OCA2: variants seen among roughly 807,000 people sequenced by gnomAD.
OCA2 encodes the protein OCA2 melanosomal transmembrane protein, also known as P protein.
A neutral mutation model predicts 100.2 loss-of-function variants in OCA2; 77 were observed. That is an observed-to-expected ratio of 0.77 (90% CI 0.64 to 0.93). The LOEUF (loss-of-function observed/expected upper bound fraction) is 0.93, where lower values mean the gene tolerates loss of function less well. OCA2 is among the 40% of genes least tolerant of loss of function. OCA2 has a pLI of 0.00. For synonymous variants in OCA2, 432 were observed against 439.2 expected (o/e 0.98, Z 0.21); for missense variants, 1,062 against 1,089.1 (o/e 0.98, Z 0.35).
rs1293427695 is a variant in OCA2 at position 27,761,473 on chromosome 15, A to G, written c.2433-6001T>C. 3.3e-5 allele frequency among the ~76,000 whole-genome samples: 5 copies of G among 151,718 alleles called. No homozygotes were observed. In the East Asian group the frequency reaches 7.8e-4, roughly 24 times the overall value. On this transcript the variant is annotated intron_variant, in intron 23 of 23. Transcript: ENST00000354638. ...CAAAATGGTGATTAAAAAAAAAAAA[A>G]CCCAAAGCAGTTCTAGATAAATGGA...
intron 23 of OCA2, among the ~76,000 whole-genome samples, chr15:27,783,925 C>A (rs1290903647): frequency 1.3e-5 from 2 of 152,218 alleles, no homozygotes; most frequent in Non-Finnish European, 2.9e-5. Flanking sequence ...TGAAAACCCA[C>A]TGCCTCCAGG....
intron 1 of OCA2, among the ~76,000 whole-genome samples, chr15:28,093,295 G>T (rs140696049): frequency 1.5e-3 from 231 of 151,978 alleles, no homozygotes; most frequent in Non-Finnish European, 2.6e-3. Flanking sequence ...GGTGGCGGGC[G>T]CCTGTAATCC....
chr15:27,770,980 CTTCT>C (rs1248321964), intron 23 of OCA2, among the ~76,000 whole-genome samples: 15 of 100,076 alleles, frequency 1.5e-4, no homozygotes, highest in East Asian at 3.3e-4. Flanking sequence ...CCTTCCTTTC[CTTCT>C]TTCTTCCTTC....
intron 23 of OCA2, among the ~76,000 whole-genome samples, chr15:27,844,145 A>T (rs958444061): frequency 4.6e-5 from 7 of 152,176 alleles, no homozygotes; most frequent in Non-Finnish European, 8.8e-5. Context: ...TCAGGGCCCC[A>T]GCGCGGACTC....
chr15:27,906,228 C>T (rs1424855109), intron 19 of OCA2, among the ~76,000 whole-genome samples: 3 of 152,140 alleles, frequency 2.0e-5, no homozygotes, highest in African/African-American at 4.8e-5. Flanking sequence ...TTATGGATAT[C>T]CTAATTACCC....
chr15:27,776,974 T>TGGGGGGGGGGGGGGGGGAGGGGGGGGGG (rs368182175), intron 23 of OCA2, among the ~76,000 whole-genome samples: 1 of 43,172 alleles, frequency 2.3e-5, no homozygotes, highest in African/African-American at 5.8e-5. Context: ...GAGCGTGAGG[T>TGGGGGGGGGGGGGGGGGAGGGGGGGGGG]GGGGGGGGGT....
At chr15:27,822,320 T>C (rs1466342695) in intron 23 of OCA2, among the ~76,000 whole-genome samples, 7 of 152,202 alleles carry the variant, frequency 4.6e-5, no homozygotes, top group Admixed American at 1.3e-4. Context: ...CTTCTTTCAC[T>C]CAATATTATG....
At chr15:28,087,970 G>A (rs191307691) in intron 1 of OCA2, among the ~76,000 whole-genome samples, 1 of 151,940 alleles carries the variant, frequency 6.6e-6, no homozygotes, top group Non-Finnish European at 1.5e-5. Flanking sequence ...GCTGAGGCAG[G>A]ATAATCATTT....
At chr15:27,751,115 G>A (rs567019552), downstream of OCA2, among the ~76,000 whole-genome samples, 9 of 152,246 alleles carry the variant, frequency 5.9e-5, no homozygotes, top group South Asian at 1.5e-3. Context: ...ATATCCAGAC[G>A]GTCCTAATGG....
intron 9 of OCA2, among the ~76,000 whole-genome samples, chr15:27,992,547 G>A (rs2041591473): frequency 6.6e-6 from 1 of 152,096 alleles, no homozygotes; most frequent in Non-Finnish European, 1.5e-5. Context: ...AGGCACCAGA[G>A]CCAGGCTGTC....
chr15:28,059,025 G>T (rs995208797), intron 2 of OCA2, among the ~76,000 whole-genome samples: 2 of 152,206 alleles, frequency 1.3e-5, no homozygotes, highest in Non-Finnish European at 2.9e-5. Flanking sequence ...GCTCAGTGAA[G>T]CCTGCCTTCC....
intron 18 of OCA2, among the ~76,000 whole-genome samples, chr15:27,940,261 T>C (rs553193857): frequency 2.4e-4 from 37 of 152,186 alleles, no homozygotes; most frequent in African/African-American, 8.4e-4. Context: ...GGAGGTGTTT[T>C]GTGTATCGGT....
chr15:27,805,147 G>A (rs1174389720), intron 23 of OCA2, among the ~76,000 whole-genome samples: 1 of 152,224 alleles, frequency 6.6e-6, no homozygotes, highest in African/African-American at 2.4e-5. Context: ...GGGCCTGGCT[G>A]AGGTGGCGGC....
At chr15:27,989,553 G>A (rs770078111) in intron 11 of OCA2, 48 bp downstream of exon 11, 88 of 1,524,250 alleles carry the variant, frequency 5.8e-5, no homozygotes, top group East Asian at 4.7e-4. Context: ...GAGAAGGCCC[G>A]GTTACCGCAG....
chr15:28,083,222 G>C (rs539940718), intron 1 of OCA2, among the ~76,000 whole-genome samples: 6 of 152,242 alleles, frequency 3.9e-5, no homozygotes, highest in Non-Finnish European at 5.9e-5. Flanking sequence ...GCAAGTACAA[G>C]ACGTGTGATG....
intron 2 of OCA2, among the ~76,000 whole-genome samples, chr15:28,050,438 G>T (rs1222078936): frequency 6.6e-6 from 1 of 151,920 alleles, no homozygotes; most frequent in Non-Finnish European, 1.5e-5. Flanking sequence ...GCAGGCGTCT[G>T]TAATCCCAGC....
downstream of OCA2, among the ~76,000 whole-genome samples, chr15:27,752,218 T>C (rs749035466): frequency 2.3e-4 from 35 of 152,182 alleles, no homozygotes; most frequent in Non-Finnish European, 4.0e-4. Flanking sequence ...TAAAAGTGTG[T>C]CCTCACCGTC....
At chr15:27,721,235 G>T in the OCA2 span, among the ~76,000 whole-genome samples, 1 of 152,146 alleles carries the variant, frequency 6.6e-6, no homozygotes, top group Non-Finnish European at 1.5e-5. Context: ...CAGGTGCGGT[G>T]CTCAGGCCTG....
chr15:27,774,411 G>A (rs565793338), intron 23 of OCA2, among the ~76,000 whole-genome samples: 1 of 152,350 alleles, frequency 6.6e-6, no homozygotes, highest in Non-Finnish European at 1.5e-5. Flanking sequence ...ATCATTGAGC[G>A]GAGACCAGTG....
Sources: allele counts gnomAD v4.1 joint callset (sites outside exome capture counted in the v4.1 genomes callset), GRCh38; gene constraint gnomAD v4.1.1; transcripts MANE v1.5; gene names NCBI Gene and HGNC (gene_info 2026-07-23, HGNC 2026-07-21).